The following MARK2 variants were observed in gnomAD, a reference collection of about 807,000 sequenced individuals.
The protein encoded by MARK2 is serine/threonine-protein kinase MARK2.
In MARK2, 16 loss-of-function variants were observed where a neutral mutation model predicts 89.8. The ratio of observed to expected loss-of-function variants is 0.18; its 90% CI spans 0.12 to 0.27. The LOEUF is 0.27. MARK2 is among the 10% of genes least tolerant of loss of function. MARK2 has a pLI of 1.00. For missense variants in MARK2, 621 were observed against 1,049.9 expected, an observed-to-expected ratio of 0.59 and a Z score of 5.65; for synonymous variants, 382 against 399.5, an observed-to-expected ratio of 0.96 and a Z score of 0.52.
chr11:63,852,673 TAA>T (rs550449276), intron 1 of MARK2, among the ~76,000 whole-genome samples: 8 of 102,564 alleles, frequency 7.8e-5, no homozygotes, highest in African/African-American at 1.1e-4. Context: ...AAATAAGAAC[TAA>T]AAAAAAAAAA....
At chr11:63,842,156 C>T (rs796307236) in intron 1 of MARK2, among the ~76,000 whole-genome samples, 16 of 152,080 alleles carry the variant, frequency 1.1e-4, no homozygotes, top group African/African-American at 3.6e-4. Flanking sequence ...AGTCTCATTC[C>T]AGTAAAAGCA....
chr11:63,849,484 G>A (rs1320271364), intron 1 of MARK2, among the ~76,000 whole-genome samples: 4 of 152,188 alleles, frequency 2.6e-5, no homozygotes, highest in Admixed American at 6.5e-5. Context: ...CGGGCGCGGT[G>A]GCTCATGCCT....
At chr11:63,894,405 A>G (rs1940181562) in intron 1 of MARK2, among the ~76,000 whole-genome samples, 1 of 152,172 alleles carries the variant, frequency 6.6e-6, no homozygotes, top group Non-Finnish European at 1.5e-5. Flanking sequence ...CTACCCAACA[A>G]AGTTATTATG....
At chr11:63,907,105 G>GCTGAA (rs973929246) in intron 17 of MARK2, among the ~76,000 whole-genome samples, 75 of 152,288 alleles carry the variant, frequency 4.9e-4, no homozygotes, top group African/African-American at 1.8e-3. Context: ...TGAAGACCAA[G>GCTGAA]GGCCAGGTTA....
At chr11:63,897,223 G>A (rs1330651035) in intron 3 of MARK2, among the ~76,000 whole-genome samples, 1 of 152,208 alleles carries the variant, frequency 6.6e-6, no homozygotes, top group African/African-American at 2.4e-5. Flanking sequence ...CTATTTCAGA[G>A]CTGCTCCCCA....
At chr11:63,882,843 C>T (rs1174886532) in intron 1 of MARK2, among the ~76,000 whole-genome samples, 1 of 152,102 alleles carries the variant, frequency 6.6e-6, no homozygotes, top group East Asian at 1.9e-4. Flanking sequence ...ATATACTAGG[C>T]AAAGAAAACG....
intron 1 of MARK2, among the ~76,000 whole-genome samples, chr11:63,864,470 T>G (rs1938015679): frequency 6.7e-6 from 1 of 149,312 alleles, no homozygotes; most frequent in African/African-American, 2.5e-5. Context: ...GTCAGGCTAG[T>G]GGTGGTCTTG....
At chr11:63,906,009 C>A in intron 16 of MARK2, 79 bp from the exon 17 acceptor site, 1 of 1,228,376 alleles carries the variant, frequency 8.1e-7, no homozygotes, top group Non-Finnish European at 1.0e-6. Flanking sequence ...CCTCCCCCAC[C>A]TGCTTATCCA....
chr11:63,862,238 G>T (rs1937847531), intron 1 of MARK2, among the ~76,000 whole-genome samples: 1 of 152,056 alleles, frequency 6.6e-6, no homozygotes, highest in African/African-American at 2.4e-5. Context: ...TTTATTCTTT[G>T]TAAGTTAGTA....
chr11:63,889,374 T>A (rs985485947), intron 1 of MARK2, among the ~76,000 whole-genome samples: 2 of 152,228 alleles, frequency 1.3e-5, no homozygotes. Context: ...CCCTCCTGGT[T>A]TGGCTCCTTC....
chr11:63,877,277 A>G (rs1565116564), intron 1 of MARK2, among the ~76,000 whole-genome samples: 1 of 151,064 alleles, frequency 6.6e-6, no homozygotes, highest in Non-Finnish European at 1.5e-5. Flanking sequence ...CGCCTGGCTG[A>G]TTTTTGTATT....
intron 1 of MARK2, chr11:63,868,985 A>G (rs1938292795): frequency 2.5e-6 from 1 of 398,468 alleles, no homozygotes; most frequent in Admixed American, 2.8e-5. Context: ...GAACTGTGAG[A>G]CTAGGGACCA....
At chr11:63,843,226 A>G (rs2016110546) in intron 1 of MARK2, among the ~76,000 whole-genome samples, 1 of 152,210 alleles carries the variant, frequency 6.6e-6, no homozygotes, top group Admixed American at 6.5e-5. Context: ...TGTGAAAGCA[A>G]TCAGCAAGAT....
At chr11:63,899,772 A>T in intron 7 of MARK2, 102 bp from the exon 8 acceptor site, 2 of 770,800 alleles carry the variant, frequency 2.6e-6, no homozygotes, top group Non-Finnish European at 4.6e-6. Context: ...CTGAGACTGA[A>T]GATGACTTTC....
intron 1 of MARK2, among the ~76,000 whole-genome samples, chr11:63,852,518 A>G (rs1590972108): frequency 6.6e-6 from 1 of 151,950 alleles, no homozygotes; most frequent in African/African-American, 2.4e-5. Context: ...TTTCTCTTAT[A>G]TGTAAGGGTG....
At chr11:63,858,082 A>AAC (rs1223216384) in intron 1 of MARK2, among the ~76,000 whole-genome samples, 1 of 152,080 alleles carries the variant, frequency 6.6e-6, no homozygotes, top group Non-Finnish European at 1.5e-5. Flanking sequence ...GGTGGAGTGC[A>AAC]GTGGCACCAT....
intron 1 of MARK2, among the ~76,000 whole-genome samples, chr11:63,862,135 G>A (rs1342297729): frequency 6.6e-6 from 1 of 151,548 alleles, no homozygotes; most frequent in Non-Finnish European, 1.5e-5. Context: ...GTGTTGGCCA[G>A]GCTGGTCTCA....
intron 1 of MARK2, among the ~76,000 whole-genome samples, chr11:63,851,410 G>A (rs2016566944): frequency 6.6e-6 from 1 of 151,894 alleles, no homozygotes; most frequent in Non-Finnish European, 1.5e-5. Flanking sequence ...CATGGTGAGA[G>A]CTCATCTCTA....
chr11:63,905,646 C>CG (rs1223508954), intron 16 of MARK2, among the ~76,000 whole-genome samples: 2 of 152,230 alleles, frequency 1.3e-5, no homozygotes, highest in Non-Finnish European at 2.9e-5. Context: ...GTGGGGATCT[C>CG]TTCACGGGGT....
Sources: allele counts gnomAD v4.1 joint callset (sites outside exome capture counted in the v4.1 genomes callset), GRCh38; gene constraint gnomAD v4.1.1; transcripts MANE v1.5; gene names NCBI Gene and HGNC (gene_info 2026-07-23, HGNC 2026-07-21).